The following PPP2R2B variants were observed in gnomAD, a reference collection of about 807,000 sequenced individuals.
The protein encoded by PPP2R2B is serine/threonine-protein phosphatase 2A 55 kDa regulatory subunit B beta isoform.
A neutral mutation model predicts 46.0 loss-of-function variants in PPP2R2B; 5 were observed. That is an observed-to-expected ratio of 0.11 (90% CI 0.06 to 0.23). The LOEUF is 0.23. Among genes scored for constraint, PPP2R2B ranks in the 10% least tolerant of loss-of-function variants. The probability of loss-of-function intolerance (pLI) is 1.00; values close to 1 mark genes in which losing one functional copy is unlikely to be tolerated. For synonymous variants in PPP2R2B, 215 were observed against 206.7 expected (o/e 1.04, Z -0.34); for missense variants, 367 against 575.0 (o/e 0.64, Z 3.70).
intron 2 of PPP2R2B, among the ~76,000 whole-genome samples, chr5:147,063,339 G>T (rs184964970): frequency 6.6e-6 from 1 of 152,184 alleles, no homozygotes; most frequent in African/African-American, 2.4e-5. Flanking sequence ...TACTAAAACA[G>T]CTAAAATTCA....
chr5:146,805,286 C>T (rs1222856583), intron 2 of PPP2R2B, among the ~76,000 whole-genome samples: 1 of 152,140 alleles, frequency 6.6e-6, no homozygotes, highest in Non-Finnish European at 1.5e-5. Context: ...GCATCCTTCT[C>T]TTTACCCAGC....
chr5:146,740,265 A>G (rs546074343), intron 2 of PPP2R2B, among the ~76,000 whole-genome samples: 1 of 152,220 alleles, frequency 6.6e-6, no homozygotes, highest in South Asian at 2.1e-4. Context: ...CTCTGTGGTG[A>G]CAAGATAATG....
At chr5:147,003,841 G>C (rs918871992) in intron 1 of PPP2R2B, among the ~76,000 whole-genome samples, 1 of 152,160 alleles carries the variant, frequency 6.6e-6, no homozygotes, top group African/African-American at 2.4e-5. Flanking sequence ...TACCTTCCTC[G>C]AGTGGCTATG....
chr5:146,843,128 G>T (rs191139918), intron 2 of PPP2R2B, among the ~76,000 whole-genome samples: 5 of 152,308 alleles, frequency 3.3e-5, no homozygotes, highest in African/African-American at 1.2e-4. Context: ...CGGAGGTTGC[G>T]GTGAGCCCAG....
At chr5:146,921,827 T>A (rs560634692) in intron 1 of PPP2R2B, among the ~76,000 whole-genome samples, 1 of 152,364 alleles carries the variant, frequency 6.6e-6, no homozygotes, top group African/African-American at 2.4e-5. Context: ...CATTCAAGTA[T>A]AACAACAAGT....
At chr5:146,911,312 G>A (rs1235837054) in intron 1 of PPP2R2B, among the ~76,000 whole-genome samples, 2 of 152,170 alleles carry the variant, frequency 1.3e-5, no homozygotes, top group Non-Finnish European at 2.9e-5. Context: ...TTGAACTCCT[G>A]ACCTTGTGAT....
chr5:146,827,383 G>A (rs1758647364), intron 2 of PPP2R2B, among the ~76,000 whole-genome samples: 3 of 152,116 alleles, frequency 2.0e-5, no homozygotes, highest in Admixed American at 2.0e-4. Flanking sequence ...AAGGCATAGA[G>A]TAAGGTAAAA....
intron 2 of PPP2R2B, among the ~76,000 whole-genome samples, chr5:146,856,800 T>A (rs904747571): frequency 6.6e-6 from 1 of 152,150 alleles, no homozygotes; most frequent in Non-Finnish European, 1.5e-5. Flanking sequence ...GTGGACTGCC[T>A]ACTCACTTGA....
chr5:146,984,770 C>A (rs1278850352), intron 1 of PPP2R2B, among the ~76,000 whole-genome samples: 8 of 151,900 alleles, frequency 5.3e-5, no homozygotes, highest in Admixed American at 5.2e-4. Flanking sequence ...GTAATTCTGA[C>A]AGGTGTGAGA....
chr5:146,783,604 T>C (rs763069025), intron 2 of PPP2R2B, among the ~76,000 whole-genome samples: 2 of 152,218 alleles, frequency 1.3e-5, no homozygotes, highest in African/African-American at 4.8e-5. Context: ...TCAGAGGCTG[T>C]AAATTTTTTT....
Position 147,053,509 on chromosome 5 carries a change from C to T in PPP2R2B, c.79+2156G>A, listed in dbSNP as rs542336330. Among the ~76,000 whole-genome samples, 16 of 150,566 alleles carry T rather than the reference C, an allele frequency of 1.1e-4. No homozygotes were observed. The South Asian group carries it at 3.1e-3, about 30-fold the overall frequency. ...GTTCACAGCCATATTTTTTTTCTAG[C>T]ACAGACTACAGGGTGACACGATTGC... On this transcript the variant is annotated intron_variant, in intron 1 of 8. Transcript: ENST00000336640.
At chr5:146,735,162 G>A (rs1227348960) in intron 2 of PPP2R2B, among the ~76,000 whole-genome samples, 1 of 152,124 alleles carries the variant, frequency 6.6e-6, no homozygotes, top group Non-Finnish European at 1.5e-5. Context: ...CGAGTGTGCC[G>A]ATGATAATAA....
chr5:146,856,950 C>A (rs1190551199), intron 2 of PPP2R2B, among the ~76,000 whole-genome samples: 1 of 152,124 alleles, frequency 6.6e-6, no homozygotes, highest in African/African-American at 2.4e-5. Flanking sequence ...AGCCTGGAAC[C>A]TTGTATTTAA....
chr5:146,858,419 C>T (rs1760799139), intron 2 of PPP2R2B, among the ~76,000 whole-genome samples: 1 of 152,198 alleles, frequency 6.6e-6, no homozygotes, highest in Non-Finnish European at 1.5e-5. Context: ...TATTATCTCA[C>T]TTAATCCTCA....
At chr5:146,690,736 C>T (rs559216655) in intron 5 of PPP2R2B, among the ~76,000 whole-genome samples, 2 of 152,276 alleles carry the variant, frequency 1.3e-5, no homozygotes, top group East Asian at 1.9e-4. Flanking sequence ...AATTTGAAGC[C>T]AGGTCTGTTA....
At chr5:146,627,191 A>G (rs1311751377) in intron 7 of PPP2R2B, among the ~76,000 whole-genome samples, 1 of 152,158 alleles carries the variant, frequency 6.6e-6, no homozygotes, top group East Asian at 1.9e-4. Context: ...CATCAGGCAA[A>G]AGCATTTTAA....
At chr5:147,012,334 C>T (rs1754778435) in intron 1 of PPP2R2B, among the ~76,000 whole-genome samples, 1 of 152,076 alleles carries the variant, frequency 6.6e-6, no homozygotes, top group Non-Finnish European at 1.5e-5. Context: ...GGAATTTATC[C>T]ATTTCTTCTA....
intron 2 of PPP2R2B, among the ~76,000 whole-genome samples, chr5:146,776,326 A>C (rs1256453267): frequency 6.6e-6 from 1 of 152,134 alleles, no homozygotes; most frequent in Non-Finnish European, 1.5e-5. Context: ...TATAGAATTG[A>C]GAGCCCAGAA....
intron 2 of PPP2R2B, among the ~76,000 whole-genome samples, chr5:146,867,492 TC>T (rs1761379475): frequency 6.6e-6 from 1 of 152,182 alleles, no homozygotes; most frequent in African/African-American, 2.4e-5. Flanking sequence ...AGAGAGGGAA[TC>T]TTTTGTATTT....
Sources: allele counts gnomAD v4.1 joint callset (sites outside exome capture counted in the v4.1 genomes callset), GRCh38; gene constraint gnomAD v4.1.1; transcripts MANE v1.5; gene names NCBI Gene and HGNC (gene_info 2026-07-23, HGNC 2026-07-21).